The following KIAA1671 variants were observed in gnomAD, a reference collection of about 807,000 sequenced individuals.
KIAA1671 encodes the protein uncharacterized protein KIAA1671.
KIAA1671 carries 52 observed loss-of-function variants against 131.2 expected under a neutral mutation model. The ratio of observed to expected loss-of-function variants is 0.40; its 90% CI spans 0.32 to 0.50. The LOEUF is 0.50. KIAA1671 is among the 20% of genes least tolerant of loss of function. The pLI, the probability that KIAA1671 is intolerant of heterozygous loss-of-function variation, is 0.73. For synonymous variants in KIAA1671, 1,003 were observed against 961.6 expected, an observed-to-expected ratio of 1.04 and a Z score of -0.80; for missense variants, 2,360 against 2,364.2, an observed-to-expected ratio of 1.00 and a Z score of 0.04.
intron 5 of KIAA1671, among the ~76,000 whole-genome samples, chr22:25,044,926 C>T (rs900033111): frequency 3.0e-4 from 45 of 152,034 alleles, no homozygotes; most frequent in African/African-American, 9.9e-4. Context: ...TTTGGGAGGC[C>T]GAGGCGGGTG....
intron 1 of KIAA1671, among the ~76,000 whole-genome samples, chr22:24,968,855 T>G (rs575461138): frequency 2.6e-5 from 4 of 152,194 alleles, no homozygotes; most frequent in African/African-American, 9.6e-5. Context: ...TTGTCCTTAT[T>G]ATGCAGCAAT....
At chr22:25,113,503 C>G (rs2145917296) in intron 6 of KIAA1671, among the ~76,000 whole-genome samples, 1 of 152,298 alleles carries the variant, frequency 6.6e-6, no homozygotes, top group Middle Eastern at 3.4e-3. Flanking sequence ...TTAAGGGACC[C>G]AGCATTTAGG....
At chr22:25,116,149 G>A (rs978858432) in intron 6 of KIAA1671, among the ~76,000 whole-genome samples, 2 of 152,076 alleles carry the variant, frequency 1.3e-5, no homozygotes, top group Non-Finnish European at 2.9e-5. Flanking sequence ...CACGATCATA[G>A]CTCACCACAG....
chr22:24,981,060 T>TTC (rs1354255244), intron 1 of KIAA1671, among the ~76,000 whole-genome samples: 2 of 119,902 alleles, frequency 1.7e-5, no homozygotes, highest in South Asian at 2.7e-4. Flanking sequence ...ACTTGTTATT[T>TTC]TCTGTGTGTG....
chr22:25,085,781 G>A lies in KIAA1671; in HGVS notation c.4530+36417G>A, dbSNP rs777811834. Among the ~76,000 whole-genome samples the A allele has an allele frequency of 5.5e-3, 803 of 144,820 alleles. 6 individuals carry two copies. The highest frequency in any genetic ancestry group is 6.8e-3 in the Non-Finnish European group (447 of 66,026). On this transcript the variant is annotated intron_variant, in intron 6 of 12. Coordinates refer to ENST00000358431, the MANE Select transcript of KIAA1671 (RefSeq NM_001145206.2). Reference sequence around the variant, plus strand: ...GATAAGTGGTGAAGGAAGGAAGGGAGGAAGGGAGGGAGGGAGGGAGGGAGG... The same window carrying A: ...GATAAGTGGTGAAGGAAGGAAGGGAAGAAGGGAGGGAGGGAGGGAGGGAGG...
At chr22:25,157,610 TTAAAAA>T in intron 6 of KIAA1671, among the ~76,000 whole-genome samples, 3 of 152,256 alleles carry the variant, frequency 2.0e-5, no homozygotes, top group Admixed American at 2.0e-4. Context: ...AAATTCTGAG[TTAAAAA>T]GAACATCAAA....
chr22:25,142,774 CAGG>C, intron 6 of KIAA1671, among the ~76,000 whole-genome samples: 1 of 152,304 alleles, frequency 6.6e-6, no homozygotes, highest in Admixed American at 6.5e-5. Context: ...GAGGCTGAGA[CAGG>C]AGAATTACTT....
intron 1 of KIAA1671, among the ~76,000 whole-genome samples, chr22:24,972,958 G>A (rs938040869): frequency 3.3e-5 from 5 of 152,196 alleles, no homozygotes; most frequent in Non-Finnish European, 5.9e-5. Context: ...AGTGACCTAT[G>A]TGCTGAGACC....
At chr22:25,173,258 T>TGAGATTTG (rs1312157743) in intron 7 of KIAA1671, among the ~76,000 whole-genome samples, 3 of 151,802 alleles carry the variant, frequency 2.0e-5, no homozygotes, top group Non-Finnish European at 4.4e-5. Flanking sequence ...CAATTCGACA[T>TGAGATTTG]GAGATTTAGT....
chr22:24,997,034 C>T (rs1334653280), intron 1 of KIAA1671, among the ~76,000 whole-genome samples: 2 of 152,180 alleles, frequency 1.3e-5, no homozygotes, highest in Non-Finnish European at 2.9e-5. Flanking sequence ...GGCTCCATCC[C>T]ATTCTTACCC....
At chr22:25,165,555 T>TA (rs1933616676) in intron 6 of KIAA1671, among the ~76,000 whole-genome samples, 2 of 152,192 alleles carry the variant, frequency 1.3e-5, no homozygotes, top group African/African-American at 4.8e-5. Context: ...GCTCTTGAAA[T>TA]ATGGCTAGTG....
At chr22:25,096,267 G>T (rs1930384986) in intron 6 of KIAA1671, among the ~76,000 whole-genome samples, 1 of 152,216 alleles carries the variant, frequency 6.6e-6, no homozygotes, top group African/African-American at 2.4e-5. Flanking sequence ...ACAGGGCCTT[G>T]AGGCTCCTTC....
At chr22:25,084,402 A>G (rs1929584319) in intron 6 of KIAA1671, among the ~76,000 whole-genome samples, 1 of 144,298 alleles carries the variant, frequency 6.9e-6, no homozygotes, top group African/African-American at 2.6e-5. Context: ...TTGAATCGGG[A>G]GGTGGAGATT....
At chr22:25,072,896 C>G (rs1376450954) in intron 6 of KIAA1671, among the ~76,000 whole-genome samples, 1 of 152,168 alleles carries the variant, frequency 6.6e-6, no homozygotes, top group Non-Finnish European at 1.5e-5. Context: ...GGTGCTCGCT[C>G]CCCTGCCACT....
chr22:25,117,691 T>C (rs909395825), intron 6 of KIAA1671, among the ~76,000 whole-genome samples: 1 of 150,466 alleles, frequency 6.6e-6, no homozygotes, highest in African/African-American at 2.5e-5. Flanking sequence ...TGTATAGAAC[T>C]CCTGCCTTCA....
Position 25,030,037 on chromosome 22 carries a change from A to G in KIAA1671, c.1541+497A>G, listed in dbSNP as rs1926192436. 3.3e-5 allele frequency among the ~76,000 whole-genome samples: 5 copies of G among 152,222 alleles called. No individual in the cohort carries two copies. The South Asian group carries it at 8.3e-4, about 25-fold the overall frequency. ...GTCAGTTGGTTAATACTGATATTCT[A>G]CGTCATTTGGTTAATAATGATATTC... On this transcript the variant is annotated intron_variant, in intron 3 of 12. Coordinates refer to ENST00000358431, the MANE Select transcript of KIAA1671 (RefSeq NM_001145206.2).
intron 6 of KIAA1671, among the ~76,000 whole-genome samples, chr22:25,129,293 G>A (rs1239164876): frequency 6.6e-6 from 1 of 152,004 alleles, no homozygotes; most frequent in African/African-American, 2.4e-5. Context: ...CGGATCATGA[G>A]GTCAAGAGTT....
intron 6 of KIAA1671, among the ~76,000 whole-genome samples, chr22:25,127,454 A>G (rs1932239002): frequency 6.6e-6 from 1 of 152,130 alleles, no homozygotes; most frequent in Admixed American, 6.5e-5. Context: ...GAAGGGAGTG[A>G]GGTGGACACA....
At chr22:24,971,910 T>A (rs1442161452) in intron 1 of KIAA1671, among the ~76,000 whole-genome samples, 1 of 152,110 alleles carries the variant, frequency 6.6e-6, no homozygotes, top group Admixed American at 6.6e-5. Context: ...CTTGGGGGTT[T>A]CATGTTCCAG....
Sources: allele counts gnomAD v4.1 joint callset (sites outside exome capture counted in the v4.1 genomes callset), GRCh38; gene constraint gnomAD v4.1.1; transcripts MANE v1.5; gene names NCBI Gene and HGNC (gene_info 2026-07-23, HGNC 2026-07-21).